SH3BP5: variants seen among roughly 807,000 people sequenced by gnomAD.
The protein encoded by SH3BP5 is SH3 domain binding protein 5.
SH3BP5 carries 22 observed loss-of-function variants against 43.3 expected under a neutral mutation model. The observed-to-expected ratio is 0.51, with a 90% CI of 0.36 to 0.73. The LOEUF (loss-of-function observed/expected upper bound fraction) is 0.73, where lower values mean the gene tolerates loss of function less well. Ranked by LOEUF, SH3BP5 falls within the 30% of genes least tolerant of loss-of-function variation. The pLI, the probability that SH3BP5 is intolerant of heterozygous loss-of-function variation, is 0.00. For synonymous variants in SH3BP5, 255 were observed against 225.8 expected (o/e 1.13, Z -1.16); for missense variants, 529 against 586.9 (o/e 0.90, Z 1.02).
At chr3:15,333,072 G>T, upstream of SH3BP5, 3 of 985,050 alleles carry the variant, frequency 3.0e-6, no homozygotes, top group Non-Finnish European at 3.6e-6. Context: ...GAAACACAGA[G>T]GTGCGGCGGT....
In SH3BP5 at chr3:15,255,406, TCCTACCCTCATC is replaced by T. The variant is rs1559419542; in HGVS notation, c.*668_*679del. 1 of 152,500 alleles carries T rather than the reference TCCTACCCTCATC, an allele frequency of 6.6e-6. No individual in the cohort carries two copies. Among genetic ancestry groups the T allele is most frequent in the Admixed American group, 6.6e-5 (1 of 15,266 alleles). 9.4% of individuals were successfully genotyped at this position (152,500 alleles called of 1,614,324 possible). On this transcript the variant is annotated 3_prime_UTR_variant, in exon 9 of 9. Coordinates refer to ENST00000383791, the MANE Select transcript of SH3BP5 (RefSeq NM_004844.5). The stretch of plus-strand genomic sequence containing the variant: ...CCACAAATCCCCTTCTATAAGTCCC[TCCTACCCTCATC>T]CCCCCGCATCCCCACTGGCATTCAC...
At chr3:15,331,835 A>T in intron 1 of SH3BP5, 1 of 166,902 alleles carries the variant, frequency 6.0e-6, no homozygotes, top group South Asian at 1.5e-4. Flanking sequence ...CCCGCGCTGC[A>T]GGGCAACGCC....
chr3:15,304,119 C>T lies in SH3BP5; in HGVS notation c.314G>A (p.Arg105Gln), dbSNP rs982491980. The T allele has an allele frequency of 4.3e-6, 7 of 1,614,022 alleles. No homozygotes were observed. The highest frequency in any genetic ancestry group is 5.9e-6 in the Non-Finnish European group (7 of 1,180,016). Residue 105 changes from arginine (R) to glutamine (Q), a missense_variant, in exon 3 of 9, where the codon CGG becomes CAG. Around this residue, in one of 3 missense-constraint regions of SH3BP5, gnomAD observed 85 missense variants for 140.8 expected, o/e 0.60. Coordinates refer to ENST00000383791, the MANE Select transcript of SH3BP5 (RefSeq NM_004844.5). ...CTATCTTACCTGCCTCGCCACCCTC[C>T]GTGCCTCCCAGTAGGGCTTGGAGTC... ...VEDSKPYWEARRVARQAQLEA... is the reference protein window; with the variant it reads ...VEDSKPYWEAQRVARQAQLEA...
At chr3:15,340,338 G>C (rs1040218176) in intron 1 of SH3BP5, among the ~76,000 whole-genome samples, 8 of 152,122 alleles carry the variant, frequency 5.3e-5, no homozygotes, top group African/African-American at 1.9e-4. Flanking sequence ...TTATTTATCT[G>C]ACAAGTATTT....
intron 3 of SH3BP5, among the ~76,000 whole-genome samples, chr3:15,300,615 G>A (rs1033233832): frequency 6.6e-6 from 1 of 152,068 alleles, no homozygotes; most frequent in African/African-American, 2.4e-5. Context: ...ACACAAACAA[G>A]CTCATCCATC....
intron 2 of SH3BP5, among the ~76,000 whole-genome samples, chr3:15,307,857 G>A (rs181784063): frequency 2.0e-5 from 3 of 152,354 alleles, no homozygotes; most frequent in Admixed American, 6.5e-5. Context: ...ATCGGTTAGC[G>A]TGTGGCCTAC....
intron 3 of SH3BP5, among the ~76,000 whole-genome samples, chr3:15,286,211 G>C (rs1041516807): frequency 1.3e-5 from 2 of 152,202 alleles, no homozygotes; most frequent in Non-Finnish European, 2.9e-5. Flanking sequence ...GCCACCTGTG[G>C]GCCTGTGGAA....
At chr3:15,302,368 G>A (rs1042054322) in intron 3 of SH3BP5, among the ~76,000 whole-genome samples, 5 of 152,116 alleles carry the variant, frequency 3.3e-5, no homozygotes, top group African/African-American at 1.2e-4. Flanking sequence ...TGCTGCTCAG[G>A]GCTTGTGCAG....
At chr3:15,332,595 C>A, upstream of SH3BP5, 1 of 1,199,082 alleles carries the variant, frequency 8.3e-7, no homozygotes, top group Non-Finnish European at 1.0e-6. Context: ...AGGAAATGGG[C>A]GCGGCCGCCC....
intron 5 of SH3BP5, 52 bp downstream of exon 5, chr3:15,262,107 A>G: frequency 6.2e-7 from 1 of 1,603,014 alleles, no homozygotes; most frequent in South Asian, 1.1e-5. Flanking sequence ...GGCTGAGAAG[A>G]TGCAGACTAG....
At chr3:15,291,770 T>A (rs1226222603) in intron 3 of SH3BP5, among the ~76,000 whole-genome samples, 1 of 152,210 alleles carries the variant, frequency 6.6e-6, no homozygotes, top group Non-Finnish European at 1.5e-5. Flanking sequence ...GCTATGGGAA[T>A]GTTTGTAAGT....
chr3:15,260,109 G>C (rs1696379382), intron 5 of SH3BP5: 1 of 424,542 alleles, frequency 2.4e-6, no homozygotes, highest in Admixed American at 4.0e-5. Flanking sequence ...CTGTGGGAAG[G>C]CTGTTCAGAG....
intron 2 of SH3BP5, among the ~76,000 whole-genome samples, chr3:15,322,211 AAAT>A (rs952052852): frequency 5.3e-5 from 8 of 151,862 alleles, no homozygotes; most frequent in African/African-American, 9.7e-5. Flanking sequence ...TCAAAAAAAA[AAAT>A]AATAACTATG....
rs2125031391 is a variant in SH3BP5, at chr3:15,254,998, T to G, written c.*1088A>C. The G allele has an allele frequency of 6.6e-6, 1 of 152,554 alleles. No individual in the cohort carries two copies. The highest frequency in any genetic ancestry group is 2.1e-4 in the South Asian group (1 of 4,830). 9.5% of individuals were successfully genotyped at this position (152,554 alleles called of 1,614,324 possible). On this transcript the variant is annotated 3_prime_UTR_variant, in exon 9 of 9. Coordinates refer to ENST00000383791, the MANE Select transcript of SH3BP5 (RefSeq NM_004844.5). ...CTAAAATATACAGGCTGTGACAGAA[T>G]TAACAGTTTGAAAGAGGGTTGCTTT...
chr3:15,294,077 CA>C (rs111324706), intron 3 of SH3BP5, among the ~76,000 whole-genome samples: 21,330 of 70,658 alleles, frequency 0.3, 2,331 homozygotes, highest in African/African-American at 0.48. Context: ...GTCTCCATCT[CA>C]AAAAAAAAAA....
intron 4 of SH3BP5, among the ~76,000 whole-genome samples, chr3:15,266,174 T>C (rs1444047391): frequency 1.3e-5 from 2 of 152,238 alleles, no homozygotes; most frequent in Non-Finnish European, 2.9e-5. Flanking sequence ...GAACCTCCAT[T>C]CTGACTGTTT....
At chr3:15,260,837 C>T (rs1017306943) in intron 5 of SH3BP5, among the ~76,000 whole-genome samples, 3 of 152,152 alleles carry the variant, frequency 2.0e-5, no homozygotes, top group African/African-American at 7.2e-5. Flanking sequence ...AGACAGGAGC[C>T]ACCCAAGACT....
At chr3:15,329,321 G>A (rs1698542614) in intron 2 of SH3BP5, among the ~76,000 whole-genome samples, 1 of 152,154 alleles carries the variant, frequency 6.6e-6, no homozygotes, top group Non-Finnish European at 1.5e-5. Context: ...GTTGTTTAAT[G>A]CATTAGAAAT....
intron 3 of SH3BP5, among the ~76,000 whole-genome samples, chr3:15,283,915 C>T (rs1697196063): frequency 6.6e-6 from 1 of 152,138 alleles, no homozygotes; most frequent in Non-Finnish European, 1.5e-5. Context: ...GCCCATAGCC[C>T]TGCTTAGAAG....
Sources: allele counts gnomAD v4.1 joint callset (sites outside exome capture counted in the v4.1 genomes callset), GRCh38; gene constraint gnomAD v4.1.1; regional missense constraint gnomAD v4.1.1; transcripts MANE v1.5; gene names NCBI Gene and HGNC (gene_info 2026-07-23, HGNC 2026-07-21).